The following HIVEP3 variants were observed in gnomAD, a reference collection of about 807,000 sequenced individuals.
The protein encoded by HIVEP3 is transcription factor HIVEP3.
HIVEP3 carries 49 observed loss-of-function variants against 152.8 expected under a neutral mutation model. That is an observed-to-expected ratio of 0.32 (90% CI 0.26 to 0.41). HIVEP3 has a LOEUF of 0.41. HIVEP3 is among the 10% of genes least tolerant of loss of function. The pLI is 1.00. For missense variants in HIVEP3, 2,790 were observed against 3,103.3 expected, an observed-to-expected ratio of 0.90 and a Z score of 2.40; for synonymous variants, 1,269 against 1,289.0, an observed-to-expected ratio of 0.98 and a Z score of 0.33.
At chr1:41,828,784 C>G (rs1194654657) in intron 1 of HIVEP3, among the ~76,000 whole-genome samples, 1 of 152,212 alleles carries the variant, frequency 6.6e-6, no homozygotes, top group East Asian at 1.9e-4. Context: ...GCCCCCTGCA[C>G]CCTGGCCAGT....
At chr1:41,540,702 T>C (rs1054348484) in intron 5 of HIVEP3, among the ~76,000 whole-genome samples, 12 of 152,146 alleles carry the variant, frequency 7.9e-5, no homozygotes, top group Non-Finnish European at 1.3e-4. Flanking sequence ...GGGAGGTAGC[T>C]CAGCCAAAAG....
chr1:41,773,406 T>C (rs1342256136), intron 1 of HIVEP3, among the ~76,000 whole-genome samples: 2 of 152,220 alleles, frequency 1.3e-5, no homozygotes, highest in East Asian at 1.9e-4. Flanking sequence ...CTGAAATGAC[T>C]GTACTGGTTG....
chr1:41,784,793 T>A (rs1308627331), intron 1 of HIVEP3, among the ~76,000 whole-genome samples: 3 of 152,196 alleles, frequency 2.0e-5, no homozygotes, highest in Non-Finnish European at 4.4e-5. Context: ...CATAGAAAAA[T>A]GCTCTTTTGT....
At chr1:41,884,535 C>T (rs889442025) in intron 1 of HIVEP3, among the ~76,000 whole-genome samples, 5 of 152,186 alleles carry the variant, frequency 3.3e-5, no homozygotes, top group Non-Finnish European at 7.3e-5. Flanking sequence ...GTGTTTCTCC[C>T]TCCACTGCCC....
At chr1:41,545,038 A>AC (rs1643701058) in intron 5 of HIVEP3, among the ~76,000 whole-genome samples, 5 of 16,626 alleles carry the variant, frequency 3.0e-4, no homozygotes, top group African/African-American at 9.8e-4. Context: ...ACCACCACCA[A>AC]TACCACTACC....
In HIVEP3 at chr1:41,616,834, T is replaced by C. The variant is rs116804999; in HGVS notation, c.-522+11915A>G. ...TTCCTCATGGACAGTCTTTCTAGGC[T>C]ACAGGCCAATAGGTTGTGAGCAGTT... On this transcript the variant is annotated intron_variant, in intron 3 of 8. Transcript: ENST00000372583. 8.6e-3 allele frequency among the ~76,000 whole-genome samples: 1,309 copies of C among 152,320 alleles called. 21 individuals carry two copies. Among genetic ancestry groups the C allele is most frequent in the African/African-American group, 0.03 (1,228 of 41,562 alleles).
chr1:41,696,718 TA>T (rs574326047), intron 2 of HIVEP3, among the ~76,000 whole-genome samples: 2 of 152,022 alleles, frequency 1.3e-5, no homozygotes, highest in South Asian at 4.2e-4. Context: ...CAGCTTGAGT[TA>T]AAAAATAGAA....
chr1:41,906,542 G>A (rs551958047), intron 1 of HIVEP3, among the ~76,000 whole-genome samples: 2 of 152,252 alleles, frequency 1.3e-5, no homozygotes, highest in East Asian at 3.9e-4. Context: ...TAGGAGGGAC[G>A]AACTAAGTGT....
intron 1 of HIVEP3, among the ~76,000 whole-genome samples, chr1:41,943,631 T>C (rs770319923): frequency 4.6e-5 from 7 of 152,232 alleles, no homozygotes; most frequent in Non-Finnish European, 7.3e-5. Context: ...AGCTAGACCA[T>C]ACTTCTTTGA....
At chr1:41,837,309 G>A (rs916581366) in intron 1 of HIVEP3, among the ~76,000 whole-genome samples, 2 of 152,022 alleles carry the variant, frequency 1.3e-5, no homozygotes, top group Non-Finnish European at 2.9e-5. Context: ...CCTACTTTTT[G>A]CTCTTTTTAT....
chr1:41,798,974 G>A (rs1650148832), intron 1 of HIVEP3, among the ~76,000 whole-genome samples: 1 of 152,198 alleles, frequency 6.6e-6, no homozygotes, highest in Non-Finnish European at 1.5e-5. Context: ...CGGACAGACA[G>A]CACTTAGCAT....
intron 5 of HIVEP3, chr1:41,544,153 A>T (rs1643602733): frequency 6.6e-6 from 1 of 152,062 alleles, no homozygotes; most frequent in Non-Finnish European, 1.5e-5. Flanking sequence ...GTATGCCTGT[A>T]CCTCGTGGCT....
At chr1:41,797,303 C>G (rs183499959) in intron 1 of HIVEP3, among the ~76,000 whole-genome samples, 3 of 152,316 alleles carry the variant, frequency 2.0e-5, no homozygotes, top group East Asian at 1.9e-4. Flanking sequence ...ATTATCTGTG[C>G]TGAAGACCTT....
intron 1 of HIVEP3, among the ~76,000 whole-genome samples, chr1:41,959,764 A>G (rs183953901): frequency 6.6e-6 from 1 of 152,302 alleles, no homozygotes; most frequent in African/African-American, 2.4e-5. Context: ...TGCACTTCCT[A>G]CATGTAGTAC....
intron 1 of HIVEP3, among the ~76,000 whole-genome samples, chr1:41,968,084 G>A (rs1418512454): frequency 6.6e-6 from 1 of 151,976 alleles, no homozygotes; most frequent in African/African-American, 2.4e-5. Flanking sequence ...AAAGCCCAGG[G>A]CCAGATAGAT....
At chr1:41,560,899 C>A (rs917403023) in intron 5 of HIVEP3, among the ~76,000 whole-genome samples, 6 of 152,216 alleles carry the variant, frequency 3.9e-5, no homozygotes, top group Non-Finnish European at 8.8e-5. Context: ...GATGCCTCAC[C>A]TCAAACCAGG....
At chr1:41,625,597 T>C (rs1645106051) in intron 3 of HIVEP3, among the ~76,000 whole-genome samples, 1 of 152,194 alleles carries the variant, frequency 6.6e-6, no homozygotes, top group African/African-American at 2.4e-5. Context: ...CAGCCAGGTG[T>C]GGTGGTCCAT....
At chr1:41,942,130 A>G (rs1439303731) in intron 1 of HIVEP3, among the ~76,000 whole-genome samples, 1 of 152,224 alleles carries the variant, frequency 6.6e-6, no homozygotes, top group Non-Finnish European at 1.5e-5. Flanking sequence ...TCTTATCTAC[A>G]TTTCCAGCTT....
chr1:41,652,118 C>G (rs887124947), intron 2 of HIVEP3, among the ~76,000 whole-genome samples: 14 of 152,162 alleles, frequency 9.2e-5, no homozygotes, highest in Non-Finnish European at 2.1e-4. Flanking sequence ...AAGGGAGGCT[C>G]AGAGATGTCA....
Sources: allele counts gnomAD v4.1 joint callset (sites outside exome capture counted in the v4.1 genomes callset), GRCh38; gene constraint gnomAD v4.1.1; transcripts MANE v1.5; gene names NCBI Gene and HGNC (gene_info 2026-07-23, HGNC 2026-07-21).